PRPF6: variants seen among roughly 807,000 people sequenced by gnomAD.
The protein encoded by PRPF6 is pre-mRNA-processing factor 6.
Under a neutral mutation model 118.3 loss-of-function variants are expected in PRPF6, and 42 were observed. The observed-to-expected ratio is 0.35, with a 90% CI of 0.28 to 0.46. PRPF6 has a LOEUF of 0.46. PRPF6 is among the 20% of genes least tolerant of loss of function. PRPF6 has a pLI of 1.00. For missense variants in PRPF6, 662 were observed against 1,255.7 expected, an observed-to-expected ratio of 0.53 and a Z score of 7.15; for synonymous variants, 481 against 485.1, an observed-to-expected ratio of 0.99 and a Z score of 0.11.
intron 3 of PRPF6, among the ~76,000 whole-genome samples, chr20:63,985,484 T>G (rs960695312): frequency 2.0e-5 from 3 of 152,250 alleles, no homozygotes; most frequent in Non-Finnish European, 4.4e-5. Flanking sequence ...AGCACTGGGC[T>G]GTTACAGAAC....
In PRPF6 at chr20:64,027,683, A is replaced by G. The variant is rs2059297070; in HGVS notation, c.2286A>G (p.Ala762=). The change falls in exon 17 of 21, where the codon GCA becomes GCG. Residue 762 remains alanine (A), a synonymous_variant. Transcript: ENST00000266079. The surrounding 1 kb of genome is among the most constrained non-coding windows in gnomAD (Gnocchi z 6.5). Reference sequence around the variant, plus strand: ...AGAAGATTGGGCAGCTTACTCGAGCACGGGCCATTTTGGAAAAGTCTCGTC... The same window carrying G: ...AGAAGATTGGGCAGCTTACTCGAGCGCGGGCCATTTTGGAAAAGTCTCGTC... ...LEEKIGQLTR[A]RAILEKSRLK... The G allele has an allele frequency of 1.9e-6, 3 of 1,614,112 alleles. No individual in the cohort carries two copies. Among genetic ancestry groups the G allele is most frequent in the Non-Finnish European group, 2.5e-6 (3 of 1,180,026 alleles).
At chr20:63,997,686 A>G (rs569356327) in intron 6 of PRPF6, among the ~76,000 whole-genome samples, 2 of 151,760 alleles carry the variant, frequency 1.3e-5, no homozygotes, top group South Asian at 2.1e-4. Flanking sequence ...TGATCTCCTG[A>G]CCTCGTGATC....
rs749954832 is a variant in PRPF6 at position 63,995,373 on chromosome 20, C to T, written c.662C>T (p.Pro221Leu). 1 of 1,614,028 alleles carries T rather than the reference C, an allele frequency of 6.2e-7. No homozygotes were observed. The highest frequency in any genetic ancestry group is 1.7e-5 in the Admixed American group (1 of 59,958). The change falls in exon 6 of 21, where the codon CCA (proline) becomes CTA (leucine). Residue 221 changes from proline (P) to leucine (L), a missense_variant. Physicochemically the swap from Pro to Leu is moderately conservative, Grantham distance 98 (BLOSUM62 -3). Coordinates refer to ENST00000266079, the MANE Select transcript of PRPF6 (RefSeq NM_012469.4). ...NTPYPGGLNT[P>L]YPGGMTPGLM... ...CCCTATCCAGGTGGACTAAACACTC[C>T]ATACCCAGGTGGAATGACGCCAGGA...
Position 63,986,218 on chromosome 20 carries a change from G to A in PRPF6, c.359+1193G>A, listed in dbSNP as rs567988390. On this transcript the variant is annotated intron_variant, in intron 3 of 20. Coordinates refer to ENST00000266079, the MANE Select transcript of PRPF6 (RefSeq NM_012469.4). Reference sequence around the variant, plus strand: ...TAGCCGGGCATGGTGGGTGGTGTACGCCTATAATCCCAGCTACTTGGGAGG... The same window carrying A: ...TAGCCGGGCATGGTGGGTGGTGTACACCTATAATCCCAGCTACTTGGGAGG... Among the ~76,000 whole-genome samples, 81 of 151,546 alleles carry A rather than the reference G, an allele frequency of 5.3e-4. 2 individuals carry two copies. The South Asian group carries it at 0.012, about 22-fold the overall frequency.
At chr20:63,994,306 T>G (rs917538272) in intron 4 of PRPF6, among the ~76,000 whole-genome samples, 2 of 151,976 alleles carry the variant, frequency 1.3e-5, no homozygotes, top group Non-Finnish European at 2.9e-5. Flanking sequence ...TACAGGCATG[T>G]GCCACCATGC....
rs142613869 is a variant in PRPF6, at chr20:64,017,968, C to T, written c.1647+1123C>T. The stretch of plus-strand genomic sequence containing the variant: ...CTGTAATTCCAGCACTTTGGGAGGC[C>T]GAGATGGGCAGATCGCTTGAGCTCG... On this transcript the variant is annotated intron_variant, in intron 12 of 20. Transcript: ENST00000266079. Among the ~76,000 whole-genome samples, 14 of 152,286 alleles carry T rather than the reference C, an allele frequency of 9.2e-5. No individual in the cohort carries two copies. In the East Asian group the frequency reaches 1.5e-3, roughly 17 times the overall value.
chr20:64,015,594 C>G (rs749151479), intron 11 of PRPF6, among the ~76,000 whole-genome samples: 5 of 152,222 alleles, frequency 3.3e-5, no homozygotes, highest in African/African-American at 7.2e-5. Context: ...TAGACACATT[C>G]TCTTGCACAC....
intron 11 of PRPF6, among the ~76,000 whole-genome samples, chr20:64,015,777 G>A (rs2059234276): frequency 1.3e-5 from 2 of 152,186 alleles, no homozygotes; most frequent in South Asian, 4.1e-4. Flanking sequence ...ATGTTTCAAT[G>A]TTGCTCATCT....
intron 9 of PRPF6, among the ~76,000 whole-genome samples, chr20:64,003,740 C>T (rs1301181984): frequency 2.0e-5 from 3 of 152,164 alleles, no homozygotes; most frequent in Non-Finnish European, 4.4e-5. Flanking sequence ...GGACTACAGG[C>T]GCCCGCCACC....
At chr20:64,015,302 C>T (rs927506791) in intron 11 of PRPF6, among the ~76,000 whole-genome samples, 4 of 152,206 alleles carry the variant, frequency 2.6e-5, no homozygotes, top group Non-Finnish European at 5.9e-5. Context: ...GCACCTTTGC[C>T]GCAGGCCCCT....
In PRPF6 at chr20:64,022,433, G is replaced by A. The variant is rs373907013; in HGVS notation, c.1648-324G>A. On this transcript the variant is annotated intron_variant, in intron 12 of 20. Coordinates refer to ENST00000266079, the MANE Select transcript of PRPF6 (RefSeq NM_012469.4). ...AGTGAATCTCCTGCCTCAGACTGCC[G>A]AATAGCCGGGATTACAGGCGCATGC... 2.1e-3 allele frequency among the ~76,000 whole-genome samples: 324 copies of A among 152,200 alleles called. 12 individuals carry two copies. The South Asian group carries it at 0.057, about 27-fold the overall frequency.
chr20:63,981,649 C>G (rs954554391), intron 1 of PRPF6, among the ~76,000 whole-genome samples: 5 of 144,902 alleles, frequency 3.5e-5, no homozygotes, highest in African/African-American at 1.0e-4. Flanking sequence ...ACACTCCCCC[C>G]CCCCGCCCGC....
At chr20:64,032,810 C>T in intron 20 of PRPF6, 31 bp from the exon 21 acceptor site, 1 of 1,586,516 alleles carries the variant, frequency 6.3e-7, no homozygotes, top group Non-Finnish European at 8.6e-7. Flanking sequence ...GTGGGAGGAC[C>T]CCTGCCTGAC....
At chr20:63,999,296 A>G (rs1207602310) in intron 7 of PRPF6, among the ~76,000 whole-genome samples, 157 bp downstream of exon 7, 1 of 152,204 alleles carries the variant, frequency 6.6e-6, no homozygotes, top group Non-Finnish European at 1.5e-5. Context: ...ATGTATCTGT[A>G]TCCATTCATT....
intron 9 of PRPF6, among the ~76,000 whole-genome samples, chr20:64,009,661 G>A (rs1247206041): frequency 6.6e-6 from 1 of 152,214 alleles, no homozygotes; most frequent in Non-Finnish European, 1.5e-5. Flanking sequence ...AGCGGAGGTA[G>A]CAGTCAGCTG....
chr20:63,993,030 G>A (rs2059125194), intron 3 of PRPF6, among the ~76,000 whole-genome samples: 2 of 151,888 alleles, frequency 1.3e-5, no homozygotes, highest in South Asian at 4.2e-4. Flanking sequence ...AGCCTGGCCA[G>A]GATGGTGAAA....
chr20:64,026,962 A>AGTGCATGTCTGCCCCACAGGT lies in PRPF6; in HGVS notation c.2029-17_2032dup. ...CCCTGGAGCTGATGCCCTGCGTGACAGTGCATGTCTGCCCCACAGGTGTTC... is the reference window on the plus strand; with the variant it reads ...CCCTGGAGCTGATGCCCTGCGTGACAGTGCATGTCTGCCCCACAGGTGTGCATGTCTGCCCCACAGGTGTTC... On this transcript the variant is annotated intron_variant, in intron 15 of 20. Coordinates refer to ENST00000266079, the MANE Select transcript of PRPF6 (RefSeq NM_012469.4). This position sits in a 1 kb window ranked among gnomAD's most constrained non-coding sequence, Gnocchi z 4.4. 6.2e-7 allele frequency: 1 copy of AGTGCATGTCTGCCCCACAGGT among 1,613,722 alleles called. No homozygotes were observed. Among genetic ancestry groups the AGTGCATGTCTGCCCCACAGGT allele is most frequent in the Non-Finnish European group, 8.5e-7 (1 of 1,179,994 alleles).
intron 4 of PRPF6, among the ~76,000 whole-genome samples, chr20:63,994,438 A>G (rs1308047013): frequency 6.6e-6 from 1 of 152,190 alleles, no homozygotes; most frequent in Non-Finnish European, 1.5e-5. Flanking sequence ...ATTAACAGGC[A>G]TGAGCCACCG....
At chr20:63,993,226 A>AT (rs1491434197) in intron 3 of PRPF6, among the ~76,000 whole-genome samples, 181 bp from the exon 4 acceptor site, 5 of 129,298 alleles carry the variant, frequency 3.9e-5, no homozygotes, top group African/African-American at 1.2e-4. Context: ...AAAAAAAAAA[A>AT]TGTGTGTGTG....
Sources: gnomAD v4.1 joint callset for allele counts (sites outside exome capture counted in the v4.1 genomes callset) on GRCh38, gnomAD v4.1.1 for gene constraint, Gnocchi (gnomAD v3.1) non-coding constraint, MANE v1.5 for transcripts, NCBI Gene and HGNC (gene_info 2026-07-23, HGNC 2026-07-21) for gene names.